The following TNXB variants were observed in gnomAD, a reference collection of about 807,000 sequenced individuals.
TNXB encodes the protein tenascin-X.
TNXB carries 183 observed loss-of-function variants against 340.5 expected under a neutral mutation model. The observed-to-expected ratio is 0.54, with a 90% CI of 0.48 to 0.61. The LOEUF is 0.61. TNXB is among the 20% of genes least tolerant of loss of function. TNXB has a pLI of 0.00. For synonymous variants in TNXB, 2,121 were observed against 2,314.5 expected, an observed-to-expected ratio of 0.92 and a Z score of 2.40; for missense variants, 4,613 against 5,446.4, an observed-to-expected ratio of 0.85 and a Z score of 4.82.
At chr6:32,076,026 G>C (rs953337100) in intron 11 of TNXB, among the ~76,000 whole-genome samples, 2 of 152,186 alleles carry the variant, frequency 1.3e-5, no homozygotes, top group Admixed American at 1.3e-4. Flanking sequence ...TGGTGGGAGG[G>C]AGCAGAGTGA....
In TNXB at chr6:32,049,977, G is replaced by A. The variant is rs758208090; in HGVS notation, c.9439+21C>T. On this transcript the variant is annotated intron_variant, in intron 27 of 43. Coordinates refer to ENST00000644971, the MANE Select transcript of TNXB (RefSeq NM_001365276.2). The surrounding 1 kb of genome is among the most constrained non-coding windows in gnomAD (Gnocchi z 4.5). ...TGGCCCTCCCACAGCTCCCACCCTG[G>A]GGCTCCCATCATTCACTCACCCGTC... The A allele has an allele frequency of 6.2e-7, 1 of 1,612,276 alleles. No individual in the cohort carries two copies. Among genetic ancestry groups the A allele is most frequent in the South Asian group, 1.1e-5 (1 of 91,074 alleles).
Position 32,087,828 on chromosome 6 carries a change from G to T in TNXB, c.2779+957C>A, listed in dbSNP as rs766490468. On this transcript the variant is annotated intron_variant, in intron 6 of 43. Coordinates refer to ENST00000644971, the MANE Select transcript of TNXB (RefSeq NM_001365276.2). The surrounding 1 kb of genome is among the most constrained non-coding windows in gnomAD (Gnocchi z 9.0). Reference sequence around the variant, plus strand: ...TCAGGTTGCCCCAAGGCCGCCGTGGGGGCTGGGACAGGCTTGGCCTGGGCG... The same window carrying T: ...TCAGGTTGCCCCAAGGCCGCCGTGGTGGCTGGGACAGGCTTGGCCTGGGCG... 2.0e-6 allele frequency: 1 copy of T among 505,988 alleles called. No individual in the cohort carries two copies. Among genetic ancestry groups the T allele is most frequent in the Non-Finnish European group, 3.9e-6 (1 of 254,662 alleles). The allele number at this position is 505,988 out of a possible 1,614,324, so 31.3% of individuals were successfully genotyped here.
chr6:32,048,611 C>T lies in TNXB; in HGVS notation c.9797G>A (p.Gly3266Glu), dbSNP rs1338731371. 6.5e-7 allele frequency: 1 copy of T among 1,527,480 alleles called. No homozygotes were observed. The highest frequency in any genetic ancestry group is 1.3e-5 in the South Asian group (1 of 78,094). The allele number at this position is 1,527,480 out of a possible 1,614,324, so 94.6% of individuals were successfully genotyped here. Residue 3266 changes from glycine (G) to glutamate (E), a missense_variant, in exon 29 of 44, where the codon GGG becomes GAG. By Grantham distance (98) the Gly-to-Glu change is moderately conservative (BLOSUM62 -2). Around this residue, in one of 7 missense-constraint regions of TNXB, gnomAD observed 4,327 missense variants for 4,859.4 expected, o/e 0.89. Transcript: ENST00000644971. ...PTPLPVEPRL[G>E]ELAVAAVTSD... ...GGTCACGGCCGCCACCGCCAGCTCC[C>T]CCAGGCGGGGCTCCACCGGCAGTGG...
In TNXB at chr6:32,046,546, T is replaced by G. The variant is rs1184647129; in HGVS notation, c.10325-90A>C. The G allele has an allele frequency of 2.4e-6, 3 of 1,226,068 alleles. No individual in the cohort carries two copies. The highest frequency in any genetic ancestry group is 1.5e-5 in the African/African-American group (1 of 66,118). 75.9% of individuals were successfully genotyped at this position (1,226,068 alleles called of 1,614,324 possible). On this transcript the variant is annotated intron_variant, in intron 30 of 43. Coordinates refer to ENST00000644971, the MANE Select transcript of TNXB (RefSeq NM_001365276.2). This position sits in a 1 kb window ranked among gnomAD's most constrained non-coding sequence, Gnocchi z 6.9. ...CCCGGAGGTGTGAGGTTCTGGGAAA[T>G]GGTCCCTCCAGTGTAGCCCCAGGGA...
At chr6:32,056,209 C>A in intron 23 of TNXB, 35 bp from the exon 24 acceptor site, 1 of 1,593,980 alleles carries the variant, frequency 6.3e-7, no homozygotes, top group Non-Finnish European at 8.6e-7. Flanking sequence ...ATGCCAGGTG[C>A]CTGGGGGATG....
chr6:32,046,554 C>T lies in TNXB; in HGVS notation c.10325-98G>A. ...TGTGAGGTTCTGGGAAATGGTCCCT[C>T]CAGTGTAGCCCCAGGGACAGCTCCT... On this transcript the variant is annotated intron_variant, in intron 30 of 43. Coordinates refer to ENST00000644971, the MANE Select transcript of TNXB (RefSeq NM_001365276.2). This position sits in a 1 kb window ranked among gnomAD's most constrained non-coding sequence, Gnocchi z 6.9. 1 of 1,101,766 alleles carries T rather than the reference C, an allele frequency of 9.1e-7. No homozygotes were observed. Among genetic ancestry groups the T allele is most frequent in the Non-Finnish European group, 1.2e-6 (1 of 801,024 alleles). The allele number at this position is 1,101,766 out of a possible 1,614,324, so 68.2% of individuals were successfully genotyped here.
chr6:32,079,263 C>T lies in TNXB; in HGVS notation c.4145G>A (p.Gly1382Glu). 2 of 1,613,516 alleles carry T rather than the reference C, an allele frequency of 1.2e-6. No homozygotes were observed. The highest frequency in any genetic ancestry group is 2.2e-5 in the South Asian group (2 of 91,088). ...GAGGCTCAGCGAATCAGGGGAGGAT[C>T]CTGTCACTGTCAGCTCCCCCAGGAG... is the stretch of plus-strand genomic sequence containing the variant. ...EPLLGELTVT[G>E]SSPDSLSLFW... The change falls in exon 11 of 44, where the codon GGA becomes GAA. Residue 1382 changes from glycine to glutamate, a missense_variant. Coordinates refer to ENST00000644971, the MANE Select transcript of TNXB (RefSeq NM_001365276.2). This position sits in a 1 kb window ranked among gnomAD's most constrained non-coding sequence, Gnocchi z 7.1.
In TNXB at chr6:32,097,354, A is replaced by T. The variant is rs768737990; in HGVS notation, c.499T>A (p.Cys167Ser). 22 of 1,612,972 alleles carry T rather than the reference A, an allele frequency of 1.4e-5. No individual in the cohort carries two copies. The highest frequency in any genetic ancestry group is 5.0e-5 in the Admixed American group (3 of 60,004). ...SCEPGWGGPT[C>S]SDPTDAEIPP... ...ATCTCAGCATCTGTGGGGTCTGAGC[A>T]GGTGGGCCCACCCCAGCCTGGCTCA... Residue 167 changes from cysteine (C) to serine (S), a missense_variant, in exon 3 of 44, where the codon TGC (cysteine) becomes AGC (serine). Physicochemically the swap from Cys to Ser is moderately radical, Grantham distance 112. This residue lies in a region of TNXB where 4,327 missense variants were observed against 4,859.4 expected (regional missense o/e 0.89). Coordinates refer to ENST00000644971, the MANE Select transcript of TNXB (RefSeq NM_001365276.2). The surrounding 1 kb of genome is among the most constrained non-coding windows in gnomAD (Gnocchi z 5.9).
In TNXB at chr6:32,085,837, G is replaced by T. The variant is rs754081688; in HGVS notation, c.3061C>A (p.Pro1021Thr). Residue 1021 changes from proline (P) to threonine (T), a missense_variant, in exon 7 of 44, where the codon CCT (proline) becomes ACT (threonine). Physicochemically the swap from Pro to Thr is conservative, Grantham distance 38 (BLOSUM62 -1). Coordinates refer to ENST00000644971, the MANE Select transcript of TNXB (RefSeq NM_001365276.2). This position sits in a 1 kb window ranked among gnomAD's most constrained non-coding sequence, Gnocchi z 6.4. ...GACAGCTCATACGGGGTTCCAGGAG[G>T]GGGTGGAGGCACCAGAGCCTGGCGG... ...DVRQALVPPPPPGTPYELSLH... is the reference protein window; with the variant it reads ...DVRQALVPPPTPGTPYELSLH... 3.7e-6 allele frequency: 6 copies of T among 1,606,474 alleles called. No individual in the cohort carries two copies. The East Asian group carries it at 6.7e-5, about 18-fold the overall frequency.
At chr6:32,048,746 C>T in intron 28 of TNXB, 96 bp from the exon 29 acceptor site, 2 of 1,228,894 alleles carry the variant, frequency 1.6e-6, no homozygotes, top group Non-Finnish European at 2.1e-6. Context: ...TTCTTAGCGG[C>T]CTCCTCTAAA....
In TNXB at chr6:32,085,791, C is replaced by T. The variant is rs762999204; in HGVS notation, c.3107G>A (p.Gly1036Glu). 1 of 1,582,374 alleles carries T rather than the reference C, an allele frequency of 6.3e-7. No homozygotes were observed. The highest frequency in any genetic ancestry group is 1.2e-5 in the South Asian group (1 of 85,432). Residue 1036 changes from glycine (G) to glutamate (E), a missense_variant, in exon 7 of 44, where the codon GGG becomes GAG. By Grantham distance (98) the Gly-to-Glu change is moderately conservative (BLOSUM62 -2). Transcript: ENST00000644971. The surrounding 1 kb of genome is among the most constrained non-coding windows in gnomAD (Gnocchi z 6.4). ...GATGATGGGGTCAGAGGGCTTGCCC[C>T]CAGGAGGGACCCCATGAAGTGACAG... The part of the protein sequence containing the change: ...YELSLHGVPP[G>E]GKPSDPIIYQ...
rs204885 is a variant in TNXB, at chr6:32,062,152, C to T, written c.7168+5G>A. On this transcript the variant is annotated splice_donor_5th_base_variant and intron_variant, in intron 20 of 43. Transcript: ENST00000644971. This position sits in a 1 kb window ranked among gnomAD's most constrained non-coding sequence, Gnocchi z 4.3. Reference sequence around the variant, plus strand: ...CCCACCCTGGGGCTCCCATCGTCCACTCACCTGTCACCCCGATGGCAGACA... The same window carrying T: ...CCCACCCTGGGGCTCCCATCGTCCATTCACCTGTCACCCCGATGGCAGACA... The T allele has an allele frequency of 0.036, 58,635 of 1,609,336 alleles. 1,339 individuals carry two copies. Among genetic ancestry groups the T allele is most frequent in the African/African-American group, 0.08 (5,998 of 74,968 alleles).
At position 32,108,465 on chromosome 6, in the gene TNXB, T is replaced by C. The variant is rs992696566; in HGVS notation, c.-9+716A>G. ...CGGAGCCCCTGTGCCCCCAGAGGCA[T>C]CTCTCAGCCATCCCAGCCCTGCTGA... On this transcript the variant is annotated intron_variant, in intron 1 of 43. Transcript: ENST00000644971. The surrounding 1 kb of genome is among the most constrained non-coding windows in gnomAD (Gnocchi z 4.8). Among the ~76,000 whole-genome samples the C allele has an allele frequency of 6.6e-6, 1 of 151,772 alleles. No homozygotes were observed. Among genetic ancestry groups the C allele is most frequent in the Non-Finnish European group, 1.5e-5 (1 of 67,930 alleles).
rs569225381 is a variant in TNXB, at chr6:32,068,376, C to T, written c.6220+14G>A. ...CCCATGGCTCCCACCCTGGGGCTCC[C>T]ATCATCCACTCACCTGTCACCCCGA... On this transcript the variant is annotated intron_variant, in intron 17 of 43. Transcript: ENST00000644971. This position sits in a 1 kb window ranked among gnomAD's most constrained non-coding sequence, Gnocchi z 5.3. 1.9e-6 allele frequency: 3 copies of T among 1,612,004 alleles called. No individual in the cohort carries two copies. Among genetic ancestry groups the T allele is most frequent in the East Asian group, 2.2e-5 (1 of 44,846 alleles).
intron 6 of TNXB, among the ~76,000 whole-genome samples, chr6:32,088,180 C>T (rs1311212004): frequency 6.6e-6 from 1 of 152,200 alleles, no homozygotes; most frequent in Non-Finnish European, 1.5e-5. Context: ...CCCTCCAAGC[C>T]CACCACTGTT....
Position 32,081,670 on chromosome 6 carries a change from G to A in TNXB, c.3740C>T (p.Pro1247Leu). ...GPLTADGTTA[P>L]ERKEEPPRPE... The stretch of plus-strand genomic sequence containing the variant: ...GCGGGGGGGCTCCTCTTTCCTCTCT[G>A]GAGCTGTAAACAAGGAGATCCAGCC... Residue 1247 changes from proline (P) to leucine (L), a missense_variant, in exon 10 of 44, where the codon CCA becomes CTA. Pro to Leu is a moderately conservative substitution (Grantham distance 98). Around this residue, in one of 7 missense-constraint regions of TNXB, gnomAD observed 4,327 missense variants for 4,859.4 expected, o/e 0.89. Coordinates refer to ENST00000644971, the MANE Select transcript of TNXB (RefSeq NM_001365276.2). The surrounding 1 kb of genome is among the most constrained non-coding windows in gnomAD (Gnocchi z 5.1). The A allele has an allele frequency of 1.3e-6, 2 of 1,576,164 alleles. No homozygotes were observed. Among genetic ancestry groups the A allele is most frequent in the Non-Finnish European group, 1.7e-6 (2 of 1,160,260 alleles).
rs932124373 is a variant in TNXB, at chr6:32,075,060, C to T, written c.4376-1108G>A. 6.6e-6 allele frequency among the ~76,000 whole-genome samples: 1 copy of T among 152,208 alleles called. No individual in the cohort carries two copies. The highest frequency in any genetic ancestry group is 6.5e-5 in the Admixed American group (1 of 15,274). ...CGAGTCCTCTCTTAAACTCCACATC[C>T]GCCCTGTGGGTATCCGCCTGTTGTC... On this transcript the variant is annotated intron_variant, in intron 11 of 43. Coordinates refer to ENST00000644971, the MANE Select transcript of TNXB (RefSeq NM_001365276.2). This position sits in a 1 kb window ranked among gnomAD's most constrained non-coding sequence, Gnocchi z 4.6.
intron 1 of TNXB, among the ~76,000 whole-genome samples, chr6:32,104,184 C>T (rs1490118634): frequency 6.6e-6 from 1 of 152,204 alleles, no homozygotes; most frequent in Non-Finnish European, 1.5e-5. Flanking sequence ...TAATGTGCAA[C>T]AAATTTCTAC....
In TNXB at chr6:32,098,051, C is replaced by A. The variant is rs576973691; in HGVS notation, c.148G>T (p.Ala50Ser). The change falls in exon 2 of 44, where the codon GCT (alanine) becomes TCT (serine). Residue 50 changes from alanine to serine, a missense_variant. By Grantham distance (99) the Ala-to-Ser change is moderately conservative. Around this residue, in one of 7 missense-constraint regions of TNXB, gnomAD observed 4,327 missense variants for 4,859.4 expected, o/e 0.89. Coordinates refer to ENST00000644971, the MANE Select transcript of TNXB (RefSeq NM_001365276.2). ...TGAGAAGAGGGGCTTCCCACTCCAG[C>A]CCCCACTGTGTGGCCCCCTGGCTGG... Reference protein sequence around the residue: ...PPQPGGHTVGAGVGSPSSQLY... With the variant: ...PPQPGGHTVGSGVGSPSSQLY... 3.1e-5 allele frequency: 50 copies of A among 1,607,048 alleles called. No individual in the cohort carries two copies. The Middle Eastern group carries it at 5.0e-4, about 16-fold the overall frequency.
Sources: allele counts gnomAD v4.1 joint callset (sites outside exome capture counted in the v4.1 genomes callset), GRCh38; gene constraint gnomAD v4.1.1; regional missense constraint gnomAD v4.1.1; non-coding constraint Gnocchi (gnomAD v3.1); transcripts MANE v1.5; gene names NCBI Gene and HGNC (gene_info 2026-07-23, HGNC 2026-07-21).